TTC16: variants seen among roughly 807,000 people sequenced by gnomAD.
TTC16 encodes tetratricopeptide repeat domain 16.
TTC16 carries 66 observed loss-of-function variants against 80.4 expected under a neutral mutation model. The ratio of observed to expected loss-of-function variants is 0.82; its 90% CI spans 0.67 to 1.01. The LOEUF is 1.01. Ranked by LOEUF, TTC16 falls within the 50% of genes least tolerant of loss-of-function variation. The probability of loss-of-function intolerance (pLI) is 0.00; values close to 1 mark genes in which losing one functional copy is unlikely to be tolerated. For missense variants in TTC16, 1,070 were observed against 1,103.2 expected (o/e 0.97, Z 0.43); for synonymous variants, 438 against 451.3 (o/e 0.97, Z 0.37).
chr9:127,720,172 A>T lies in TTC16; in HGVS notation c.521A>T (p.Tyr174Phe). 1 of 1,613,654 alleles carries T rather than the reference A, an allele frequency of 6.2e-7. No individual in the cohort carries two copies. The highest frequency in any genetic ancestry group is 1.7e-5 in the Admixed American group (1 of 60,006). ...CAGCCTGAGAAACCATGCTTCCGTTACCGATGGTGAGTGCCCCTGCCAGCC... is the reference window on the plus strand; with the variant it reads ...CAGCCTGAGAAACCATGCTTCCGTTTCCGATGGTGAGTGCCCCTGCCAGCC... ...ELQPEKPCFR[Y>F]RCMACLLALK... The change falls in exon 5 of 14, where the codon TAC (tyrosine) becomes TTC (phenylalanine). Residue 174 changes from tyrosine to phenylalanine, a missense_variant. Tyr to Phe is a conservative substitution (Grantham distance 22). Coordinates refer to ENST00000373289, the MANE Select transcript of TTC16 (RefSeq NM_144965.3).
Position 127,718,862 on chromosome 9 carries a change from G to A in TTC16, c.426+1090G>A, listed in dbSNP as rs1843243989. 6.6e-6 allele frequency among the ~76,000 whole-genome samples: 1 copy of A among 151,738 alleles called. No homozygotes were observed. The highest frequency in any genetic ancestry group is 1.5e-5 in the Non-Finnish European group (1 of 67,940). On this transcript the variant is annotated intron_variant, in intron 4 of 13. Coordinates refer to ENST00000373289, the MANE Select transcript of TTC16 (RefSeq NM_144965.3). The surrounding 1 kb of genome is among the most constrained non-coding windows in gnomAD (Gnocchi z 4.6). ...CCGCCTCGGCCTCCCAAAGTGCTGG[G>A]ATTACAGGTGTGAGCTACTGCGCCT... is the stretch of plus-strand genomic sequence containing the variant.
At position 127,726,996 on chromosome 9, in the gene TTC16, C is replaced by T; in HGVS notation, c.1452C>T (p.Phe484=). 1 of 1,613,220 alleles carries T rather than the reference C, an allele frequency of 6.2e-7. No homozygotes were observed. Among genetic ancestry groups the T allele is most frequent in the Non-Finnish European group, 8.5e-7 (1 of 1,180,006 alleles). ...TGTCCCTGCTGATGACCAACCTCTT[C>T]CCGGGCATGTCGGTGGAGGAGGTGC... ...PKLSLLMTNL[F]PGMSVEEVLS... is the part of the protein sequence containing the mutation. The change falls in exon 11 of 14, where the codon TTC becomes TTT. Residue 484 remains phenylalanine, a synonymous_variant. Coordinates refer to ENST00000373289, the MANE Select transcript of TTC16 (RefSeq NM_144965.3).
In TTC16 at chr9:127,731,207, C is replaced by G; in HGVS notation, c.2424C>G (p.Phe808Leu). The G allele has an allele frequency of 6.2e-7, 1 of 1,613,040 alleles. No homozygotes were observed. The highest frequency in any genetic ancestry group is 8.5e-7 in the Non-Finnish European group (1 of 1,179,912). ...LLRSSTKTEAFYDSNWSLSKT... is the reference protein window; with the variant it reads ...LLRSSTKTEALYDSNWSLSKT... ...GAAGTTCCACCAAGACTGAGGCTTTCTATGACTCAAACTGGAGCCTCAGCA... is the reference window on the plus strand; with the variant it reads ...GAAGTTCCACCAAGACTGAGGCTTTGTATGACTCAAACTGGAGCCTCAGCA... The change falls in exon 14 of 14, where the codon TTC becomes TTG. Residue 808 changes from phenylalanine (F) to leucine (L), a missense_variant. Physicochemically the swap from Phe to Leu is conservative, Grantham distance 22 (BLOSUM62 0). Coordinates refer to ENST00000373289, the MANE Select transcript of TTC16 (RefSeq NM_144965.3).
Position 127,731,167 on chromosome 9 carries a change from G to A in TTC16, c.2384G>A (p.Ser795Asn), listed in dbSNP as rs1055629201. Residue 795 changes from serine to asparagine, a missense_variant, in exon 14 of 14, where the codon AGC becomes AAC. Transcript: ENST00000373289. Reference protein sequence around the residue: ...PSKVDATQGRSRGLLRSSTKT... With the variant: ...PSKVDATQGRNRGLLRSSTKT... ...AAGGTTGATGCCACCCAGGGCCGAAGCAGGGGACTGCTCCGAAGTTCCACC... is the reference window on the plus strand; with the variant it reads ...AAGGTTGATGCCACCCAGGGCCGAAACAGGGGACTGCTCCGAAGTTCCACC... The A allele has an allele frequency of 1.2e-6, 2 of 1,612,660 alleles. No homozygotes were observed. The highest frequency in any genetic ancestry group is 1.3e-5 in the African/African-American group (1 of 75,046).
rs771455442 is a variant in TTC16, at chr9:127,724,247, TACA to T, written c.1003_1005del (p.Asn335del). Reference sequence around the variant, plus strand: ...GGCACAGCGCCAGCTGTTGCTGACCTACAACGACTTTGCCGTGCACTGCTACAG... The same window carrying T: ...GGCACAGCGCCAGCTGTTGCTGACCTACGACTTTGCCGTGCACTGCTACAG... On this transcript the variant is annotated inframe_deletion, in exon 8 of 14. Coordinates refer to ENST00000373289, the MANE Select transcript of TTC16 (RefSeq NM_144965.3). The T allele has an allele frequency of 1.8e-5, 29 of 1,613,080 alleles. No individual in the cohort carries two copies. In the African/African-American group the frequency reaches 3.3e-4, roughly 19 times the overall value.
At chr9:127,725,816 T>C (rs1406311137) in intron 9 of TTC16, among the ~76,000 whole-genome samples, 1 of 151,930 alleles carries the variant, frequency 6.6e-6, no homozygotes, top group East Asian at 2.0e-4. Flanking sequence ...GCCAGGCTGG[T>C]CTCAAACTTC....
Position 127,718,947 on chromosome 9 carries a change from TCACGCCTGTAATCCCAG to T in TTC16, c.427-1127_427-1111del, listed in dbSNP as rs1052779094. 1.4e-5 allele frequency among the ~76,000 whole-genome samples: 2 copies of T among 147,390 alleles called. No individual in the cohort carries two copies. Among genetic ancestry groups the T allele is most frequent in the African/African-American group, 4.9e-5 (2 of 40,512 alleles). On this transcript the variant is annotated intron_variant, in intron 4 of 13. Transcript: ENST00000373289. The surrounding 1 kb of genome is among the most constrained non-coding windows in gnomAD (Gnocchi z 4.6). ...TCAGTTCTTGGCCGGGCACGGTGGC[TCACGCCTGTAATCCCAG>T]CACTTTGGGAGGCCGAGTTGGGCGG...
rs1564396772 is a variant in TTC16 at position 127,730,860 on chromosome 9, C to T, written c.2077C>T (p.Arg693Trp). 33 of 1,613,204 alleles carry T rather than the reference C, an allele frequency of 2.0e-5. No individual in the cohort carries two copies. The East Asian group carries it at 4.2e-4, about 21-fold the overall frequency. ...SKTEPTQSQR[R>W]NSSKTKATIH... ...GACTGAGCCCACCCAGAGCCAGAGGCGGAACTCCAGCAAGACCAAGGCCAC... is the reference window on the plus strand; with the variant it reads ...GACTGAGCCCACCCAGAGCCAGAGGTGGAACTCCAGCAAGACCAAGGCCAC... Residue 693 changes from arginine (R) to tryptophan (W), a missense_variant, in exon 14 of 14, where the codon CGG becomes TGG. Coordinates refer to ENST00000373289, the MANE Select transcript of TTC16 (RefSeq NM_144965.3).
chr9:127,723,302 A>C lies in TTC16; in HGVS notation c.841A>C (p.Asn281His). The stretch of plus-strand genomic sequence containing the variant: ...GCGGATCAACCGTGCCATCGAGAAC[A>C]ACCCTCTGGACCCCAGTCTCTTCCT... ...LQRINRAIEN[N>H]PLDPSLFLFR... Residue 281 changes from asparagine to histidine, a missense_variant, in exon 7 of 14, where the codon AAC (asparagine) becomes CAC (histidine). Physicochemically the swap from Asn to His is moderately conservative, Grantham distance 68. Coordinates refer to ENST00000373289, the MANE Select transcript of TTC16 (RefSeq NM_144965.3). The C allele has an allele frequency of 6.2e-7, 1 of 1,612,884 alleles. No homozygotes were observed. The highest frequency in any genetic ancestry group is 8.5e-7 in the Non-Finnish European group (1 of 1,179,986).
At chr9:127,719,208 C>A (rs1294149322) in intron 4 of TTC16, among the ~76,000 whole-genome samples, 1 of 148,200 alleles carries the variant, frequency 6.7e-6, no homozygotes, top group African/African-American at 2.5e-5. Flanking sequence ...AAGATGCTGT[C>A]TCAAAAAAAA....
rs1257586994 is a variant in TTC16, at chr9:127,722,234, C to T, written c.658-885C>T. Among the ~76,000 whole-genome samples the T allele has an allele frequency of 6.6e-6, 1 of 152,184 alleles. No individual in the cohort carries two copies. The highest frequency in any genetic ancestry group is 2.4e-5 in the African/African-American group (1 of 41,444). ...GCTCCTGCCATTTCCCTCCCTCCCT[C>T]CACCCACACCTGCTGTCCACACCAT... On this transcript the variant is annotated intron_variant, in intron 6 of 13. Coordinates refer to ENST00000373289, the MANE Select transcript of TTC16 (RefSeq NM_144965.3). The surrounding 1 kb of genome is among the most constrained non-coding windows in gnomAD (Gnocchi z 4.2).
intron 9 of TTC16, 137 bp from the exon 10 acceptor site, chr9:127,726,100 GGA>G (rs1843928665): frequency 7.3e-6 from 4 of 548,680 alleles, no homozygotes; most frequent in Non-Finnish European, 1.2e-5. Flanking sequence ...CGTACCTGAT[GGA>G]GAGAGAGGAG....
chr9:127,720,473 C>G, intron 6 of TTC16, 78 bp downstream of exon 6: 1 of 1,576,060 alleles, frequency 6.3e-7, no homozygotes, highest in Non-Finnish European at 8.6e-7. Context: ...CAGGAAGAGG[C>G]AAGGCTGTCA....
intron 6 of TTC16, among the ~76,000 whole-genome samples, chr9:127,721,211 G>C (rs886350810): frequency 4.6e-5 from 7 of 151,920 alleles, no homozygotes; most frequent in Non-Finnish European, 1.5e-5. Flanking sequence ...AGGGCAGGGG[G>C]CTTTAGGAAG....
rs566416107 is a variant in TTC16, at chr9:127,720,168, C to T, written c.517C>T (p.Arg173Cys). The change falls in exon 5 of 14, where the codon CGT (arginine) becomes TGT (cysteine). Residue 173 changes from arginine (R) to cysteine (C), a missense_variant. By Grantham distance (180) the Arg-to-Cys change is radical. Transcript: ENST00000373289. Reference sequence around the variant, plus strand: ...GCTCCAGCCTGAGAAACCATGCTTCCGTTACCGATGGTGAGTGCCCCTGCC... The same window carrying T: ...GCTCCAGCCTGAGAAACCATGCTTCTGTTACCGATGGTGAGTGCCCCTGCC... ...AELQPEKPCF[R>C]YRCMACLLAL... The T allele has an allele frequency of 7.4e-6, 12 of 1,613,790 alleles. No homozygotes were observed. Among genetic ancestry groups the T allele is most frequent in the Middle Eastern group, 1.7e-4 (1 of 6,060 alleles).
intron 1 of TTC16, 142 bp from the exon 2 acceptor site, chr9:127,716,702 C>A: frequency 9.3e-7 from 1 of 1,080,538 alleles, no homozygotes; most frequent in Non-Finnish European, 1.3e-6. Context: ...GGGCTGGGAG[C>A]GCCACCGGAA....
chr9:127,727,663 G>A, intron 12 of TTC16, 198 bp downstream of exon 12: 4 of 1,144,968 alleles, frequency 3.5e-6, no homozygotes, highest in South Asian at 4.3e-5. Flanking sequence ...GACGGAGGGT[G>A]TGTGGGGATG....
chr9:127,717,617 C>T lies in TTC16; in HGVS notation c.283-12C>T. 6.2e-7 allele frequency: 1 copy of T among 1,612,662 alleles called. No homozygotes were observed. The highest frequency in any genetic ancestry group is 8.5e-7 in the Non-Finnish European group (1 of 1,179,266). ...GGGGAGGATCTAGCAGCCTGGGTCC[C>T]CTCACCCTCAGGTGGACTTCTATGC... On this transcript the variant is annotated splice_polypyrimidine_tract_variant and intron_variant, in intron 3 of 13. Transcript: ENST00000373289.
At chr9:127,717,535 TGGATGTCAACTCTCAGGG>T (rs1843137599) in intron 3 of TTC16, 76 bp from the exon 4 acceptor site, 1 of 1,577,976 alleles carries the variant, frequency 6.3e-7, no homozygotes, top group Admixed American at 1.7e-5. Flanking sequence ...TGATGGGAAT[TGGATGTCAACTCTCAGGG>T]GGGTGGAGAC....
Sources: gnomAD v4.1 joint callset for allele counts (sites outside exome capture counted in the v4.1 genomes callset) on GRCh38, gnomAD v4.1.1 for gene constraint, Gnocchi (gnomAD v3.1) non-coding constraint, MANE v1.5 for transcripts, NCBI Gene and HGNC (gene_info 2026-07-23, HGNC 2026-07-21) for gene names.